CSMD1: variants seen among roughly 807,000 people sequenced by gnomAD.
CSMD1 encodes the protein CUB and sushi domain-containing protein 1.
CSMD1 carries 213 observed loss-of-function variants against 417.5 expected under a neutral mutation model. That is an observed-to-expected ratio of 0.51 (90% confidence interval 0.46 to 0.57). The LOEUF is 0.57. Among genes scored for constraint, CSMD1 ranks in the 20% least tolerant of loss-of-function variants. The pLI, the probability that CSMD1 is intolerant of heterozygous loss-of-function variation, is 0.00. For synonymous variants in CSMD1, 2,862 were observed against 1,736.8 expected (o/e 1.65, Z -16.11); for missense variants, 6,923 against 4,529.7 (o/e 1.53, Z -15.17).
intron 5 of CSMD1, among the ~76,000 whole-genome samples, chr8:3,946,472 C>G (rs1375948260): frequency 6.6e-6 from 1 of 152,104 alleles, no homozygotes; most frequent in Non-Finnish European, 1.5e-5. Flanking sequence ...TGTAAGTCCT[C>G]CCACTTTGTT....
chr8:4,602,873 A>G (rs954733679), intron 2 of CSMD1, among the ~76,000 whole-genome samples: 3 of 151,942 alleles, frequency 2.0e-5, no homozygotes, highest in Admixed American at 6.6e-5. Context: ...TTATAATTAT[A>G]TAAATAATAA....
intron 37 of CSMD1, among the ~76,000 whole-genome samples, chr8:3,175,176 T>C (rs923242320): frequency 2.0e-5 from 3 of 152,192 alleles, no homozygotes; most frequent in African/African-American, 7.2e-5. Flanking sequence ...TAAAGAAAAG[T>C]AATACTTTGA....
chr8:3,971,933 G>A (rs938737270), intron 5 of CSMD1, among the ~76,000 whole-genome samples: 8 of 151,886 alleles, frequency 5.3e-5, no homozygotes, highest in Non-Finnish European at 1.2e-4. Context: ...TTTGAGACAG[G>A]GTGTCATTCT....
At chr8:3,691,846 A>C (rs1800263019) in intron 7 of CSMD1, among the ~76,000 whole-genome samples, 1 of 152,190 alleles carries the variant, frequency 6.6e-6, no homozygotes, top group South Asian at 2.1e-4. Flanking sequence ...AGAGTCTGTA[A>C]CTTGAATATT....
intron 30 of CSMD1, among the ~76,000 whole-genome samples, chr8:3,213,372 G>A (rs539214124): frequency 1.9e-4 from 29 of 152,096 alleles, no homozygotes; most frequent in Non-Finnish European, 1.0e-4. Context: ...ACAGCCTGAG[G>A]AGTGTTTGCC....
chr8:4,820,597 A>G (rs550198400), intron 1 of CSMD1, among the ~76,000 whole-genome samples: 3 of 152,290 alleles, frequency 2.0e-5, no homozygotes, highest in African/African-American at 7.2e-5. Flanking sequence ...AACAAACGGG[A>G]TAGCTTTCTG....
intron 3 of CSMD1, among the ~76,000 whole-genome samples, chr8:4,103,385 C>T (rs1801404734): frequency 6.6e-6 from 1 of 151,262 alleles, no homozygotes; most frequent in Non-Finnish European, 1.5e-5. Context: ...TTTCAGGGAA[C>T]CATTGGCCAA....
intron 1 of CSMD1, among the ~76,000 whole-genome samples, chr8:4,727,849 A>C (rs1183235577): frequency 6.7e-6 from 1 of 149,590 alleles, no homozygotes; most frequent in Non-Finnish European, 1.5e-5. Flanking sequence ...TTATATATAC[A>C]TATTGGATAT....
At chr8:4,177,026 CAG>C (rs545455590) in intron 3 of CSMD1, among the ~76,000 whole-genome samples, 13 of 151,836 alleles carry the variant, frequency 8.6e-5, no homozygotes, top group Non-Finnish European at 1.6e-4. Flanking sequence ...ATCAACGAGA[CAG>C]AAAGTCAACA....
Position 3,307,824 on chromosome 8 carries a change from G to A in CSMD1, c.3824-3C>T, listed in dbSNP as rs910370233. On this transcript the variant is annotated splice_region_variant and splice_polypyrimidine_tract_variant and intron_variant, in intron 24 of 69. Coordinates refer to ENST00000635120, the MANE Select transcript of CSMD1 (RefSeq NM_033225.6). ...ATGGATCTGACCACCACATTCCGCTGTAGAAGACACAGAGAGATGGGAACG... is the reference window on the plus strand; with the variant it reads ...ATGGATCTGACCACCACATTCCGCTATAGAAGACACAGAGAGATGGGAACG... 1 of 1,610,164 alleles carries A rather than the reference G, an allele frequency of 6.2e-7. No homozygotes were observed. Among genetic ancestry groups the A allele is most frequent in the Non-Finnish European group, 8.5e-7 (1 of 1,178,678 alleles).
At chr8:4,132,081 A>C (rs1026474409) in intron 3 of CSMD1, among the ~76,000 whole-genome samples, 5 of 152,158 alleles carry the variant, frequency 3.3e-5, no homozygotes, top group African/African-American at 1.2e-4. Context: ...GATTCTTCAA[A>C]AACAGGTAAA....
intron 5 of CSMD1, among the ~76,000 whole-genome samples, chr8:3,896,071 A>T (rs1477972087): frequency 6.6e-6 from 1 of 152,166 alleles, no homozygotes; most frequent in Non-Finnish European, 1.5e-5. Context: ...GTAGCTGCTG[A>T]TTTCCATTTA....
At chr8:4,821,788 T>C (rs1799539627) in intron 1 of CSMD1, among the ~76,000 whole-genome samples, 1 of 152,114 alleles carries the variant, frequency 6.6e-6, no homozygotes, top group Non-Finnish European at 1.5e-5. Context: ...TACAACTCTC[T>C]AGCAATTGGG....
In CSMD1 at chr8:4,856,414, A is replaced by G. The variant is rs1049670735; in HGVS notation, c.85+137918T>C. Among the ~76,000 whole-genome samples, 17 of 143,110 alleles carry G rather than the reference A, an allele frequency of 1.2e-4. 1 individual carries two copies. Among genetic ancestry groups the G allele is most frequent in the Admixed American group, 4.1e-4 (6 of 14,732 alleles). The allele number at this position is 143,110 out of a possible 152,430, so 93.9% of individuals were successfully genotyped here. A position where few individuals can be genotyped will look rare whatever the true frequency, so the allele number is the denominator to read the frequency against. ...TGACAGGATCAAATTCACACATAAC[A>G]ATATTAACTTTAAATGTCAATGGAC... On this transcript the variant is annotated intron_variant, in intron 1 of 69. Transcript: ENST00000635120.
intron 12 of CSMD1, among the ~76,000 whole-genome samples, chr8:3,457,208 C>A (rs921951773): frequency 4.0e-5 from 6 of 151,844 alleles, no homozygotes; most frequent in Admixed American, 2.0e-4. Flanking sequence ...CCTGGACCCC[C>A]TCATCCTGCC....
chr8:3,129,894 T>A (rs1225062577), intron 41 of CSMD1, among the ~76,000 whole-genome samples: 2 of 151,882 alleles, frequency 1.3e-5, no homozygotes, highest in East Asian at 1.9e-4. Flanking sequence ...CATGGGAGAA[T>A]CACCTGAGCC....
chr8:3,626,627 A>G (rs913334917), intron 7 of CSMD1, among the ~76,000 whole-genome samples: 7 of 151,752 alleles, frequency 4.6e-5, no homozygotes, highest in East Asian at 3.9e-4. Flanking sequence ...GAGTCCCCAC[A>G]GAAAGTTTCT....
chr8:3,052,785 CT>C (rs1166776291), intron 49 of CSMD1, 138 bp from the exon 50 acceptor site: 72 of 234,382 alleles, frequency 3.1e-4, no homozygotes, highest in Admixed American at 6.6e-4. Flanking sequence ...TTTTTTCTTT[CT>C]TTTTTTTTTC....
intron 4 of CSMD1, among the ~76,000 whole-genome samples, chr8:4,018,754 G>A (rs775256212): frequency 3.9e-5 from 6 of 152,178 alleles, no homozygotes; most frequent in East Asian, 1.9e-4. Flanking sequence ...CATGTGACAA[G>A]GGCCGTGGCA....
Sources: allele counts gnomAD v4.1 joint callset (sites outside exome capture counted in the v4.1 genomes callset), GRCh38; gene constraint gnomAD v4.1.1; transcripts MANE v1.5; gene names NCBI Gene and HGNC (gene_info 2026-07-23, HGNC 2026-07-21).